The following FYCO1 variants were observed in gnomAD, a reference collection of about 807,000 sequenced individuals.
FYCO1 encodes FYVE and coiled-coil domain-containing protein 1.
A neutral mutation model predicts 165.1 loss-of-function variants in FYCO1; 122 were observed. The observed-to-expected ratio is 0.74, with a 90% CI of 0.64 to 0.86. The LOEUF is 0.86. FYCO1 is among the 40% of genes least tolerant of loss of function. The pLI, the probability that FYCO1 is intolerant of heterozygous loss-of-function variation, is 0.00. For synonymous variants in FYCO1, 648 were observed against 742.5 expected (o/e 0.87, Z 2.07); for missense variants, 1,702 against 1,810.3 (o/e 0.94, Z 1.09).
intron 15 of FYCO1, among the ~76,000 whole-genome samples, chr3:45,931,729 T>A (rs1703641583): frequency 6.6e-6 from 1 of 152,228 alleles, no homozygotes; most frequent in East Asian, 1.9e-4. Flanking sequence ...CCCTTTCACC[T>A]AATTAGTACA....
At chr3:45,982,634 G>GC (rs1366599342) in intron 2 of FYCO1, among the ~76,000 whole-genome samples, 135 of 380 alleles carry the variant, frequency 0.36, no homozygotes, top group African/African-American at 0.45. Context: ...CAGCAGAGAT[G>GC]GTGGGATGTG....
chr3:45,931,105 T>C lies in FYCO1; in HGVS notation c.4217A>G (p.Gln1406Arg), dbSNP rs1342638458. The change falls in exon 16 of 18, where the codon CAG (glutamine) becomes CGG (arginine). Residue 1406 changes from glutamine (Q) to arginine (R), a missense_variant. Coordinates refer to ENST00000296137, the MANE Select transcript of FYCO1 (RefSeq NM_024513.4). ...ATCCAGCGGTGTGTCCTCGGCCTCC[T>C]GGAAGACCACACTGAAGGAGATGCT... ...PKSISFSVVFQEAEDTPLDQC... is the reference protein window; with the variant it reads ...PKSISFSVVFREAEDTPLDQC... 1 of 1,613,886 alleles carries C rather than the reference T, an allele frequency of 6.2e-7. No individual in the cohort carries two copies.
At chr3:45,924,936 AAT>A (rs1491457595) in intron 16 of FYCO1, among the ~76,000 whole-genome samples, 1 of 76,766 alleles carries the variant, frequency 1.3e-5, no homozygotes, top group Admixed American at 2.0e-4. Flanking sequence ...ATTTAAAAAA[AAT>A]TTTTTTTTTA....
intron 16 of FYCO1, among the ~76,000 whole-genome samples, chr3:45,930,430 C>T (rs1030614866): frequency 1.3e-5 from 2 of 152,190 alleles, no homozygotes; most frequent in Non-Finnish European, 2.9e-5. Flanking sequence ...GCTTCAACCC[C>T]CTGATCTACA....
At chr3:45,957,208 G>A (rs1705386846) in intron 13 of FYCO1, among the ~76,000 whole-genome samples, 1 of 152,194 alleles carries the variant, frequency 6.6e-6, no homozygotes, top group African/African-American at 2.4e-5. Context: ...CATACAAAAA[G>A]ATGAATCTCT....
chr3:45,981,977 G>A (rs1707084954), intron 2 of FYCO1, among the ~76,000 whole-genome samples: 1 of 152,226 alleles, frequency 6.6e-6, no homozygotes, highest in South Asian at 2.1e-4. Flanking sequence ...TGTTTGCTGT[G>A]TGGATGAATC....
chr3:45,962,474 G>C lies in FYCO1; in HGVS notation c.3270-82C>G. ...CTCTAAGCTCACCCAGGACTCTAAT[G>C]AGGGGTGCTACTGCCCTCCGCCATG... On this transcript the variant is annotated intron_variant, in intron 10 of 17. Transcript: ENST00000296137. The surrounding 1 kb of genome is among the most constrained non-coding windows in gnomAD (Gnocchi z 4.4). The C allele has an allele frequency of 7.8e-7, 1 of 1,282,070 alleles. No homozygotes were observed. The highest frequency in any genetic ancestry group is 1.1e-6 in the Non-Finnish European group (1 of 877,900). 79.4% of individuals were successfully genotyped at this position (1,282,070 alleles called of 1,614,324 possible).
At chr3:45,965,245 C>T (rs1705941867) in intron 8 of FYCO1, 120 bp from the exon 9 acceptor site, 2 of 734,238 alleles carry the variant, frequency 2.7e-6, no homozygotes, top group Admixed American at 2.1e-5. Context: ...TGCAAACTGG[C>T]TCCTCAATGA....
chr3:45,940,332 A>T (rs1252877165), intron 14 of FYCO1, among the ~76,000 whole-genome samples: 1 of 152,206 alleles, frequency 6.6e-6, no homozygotes, highest in Admixed American at 6.5e-5. Flanking sequence ...GCTGGTAATC[A>T]GCAGCTTCCT....
intron 5 of FYCO1, among the ~76,000 whole-genome samples, chr3:45,974,637 A>G (rs1706632117): frequency 6.6e-6 from 1 of 152,138 alleles, no homozygotes; most frequent in African/African-American, 2.4e-5. Context: ...GGTTTAGTTG[A>G]CTGGTACCTG....
intron 12 of FYCO1, among the ~76,000 whole-genome samples, chr3:45,958,877 CA>C (rs1705523530): frequency 6.6e-6 from 1 of 152,216 alleles, no homozygotes; most frequent in African/African-American, 2.4e-5. Context: ...TCCCTGGCAC[CA>C]AGTTGTAGGT....
rs1286883379 is a variant in FYCO1 at position 45,918,529 on chromosome 3, A to T, written c.*3236T>A. The T allele has an allele frequency of 2.6e-5, 4 of 152,164 alleles. No individual in the cohort carries two copies. 9.4% of individuals were successfully genotyped at this position (152,164 alleles called of 1,614,324 possible). ...CTTTAATTCCCAACACCTCTGAGCC[A>T]AGGACAGTTTCTTGGCCTAAAGAAT... is the stretch of plus-strand genomic sequence containing the variant. On this transcript the variant is annotated 3_prime_UTR_variant, in exon 18 of 18. Coordinates refer to ENST00000296137, the MANE Select transcript of FYCO1 (RefSeq NM_024513.4).
chr3:45,984,511 C>A (rs1215280247), intron 2 of FYCO1: 1 of 421,380 alleles, frequency 2.4e-6, no homozygotes, highest in Admixed American at 3.5e-5. Context: ...AAGAAGCCAA[C>A]TTCATCAGAG....
At chr3:45,950,266 C>T (rs1452593210) in intron 14 of FYCO1, among the ~76,000 whole-genome samples, 1 of 152,104 alleles carries the variant, frequency 6.6e-6, no homozygotes, top group Non-Finnish European at 1.5e-5. Flanking sequence ...AAAGGATGTG[C>T]TCTTTCCCTA....
At chr3:45,927,254 G>A (rs541328016) in intron 16 of FYCO1, among the ~76,000 whole-genome samples, 3 of 152,270 alleles carry the variant, frequency 2.0e-5, no homozygotes, top group African/African-American at 7.2e-5. Context: ...GAAGCCAAAC[G>A]ATTGGACACC....
At chr3:45,961,116 A>G (rs1273699451) in intron 11 of FYCO1, among the ~76,000 whole-genome samples, 1 of 152,242 alleles carries the variant, frequency 6.6e-6, no homozygotes, top group African/African-American at 2.4e-5. Flanking sequence ...AAAGGGATGT[A>G]AGAGACACAG....
At chr3:45,929,242 G>C (rs548503928) in intron 16 of FYCO1, among the ~76,000 whole-genome samples, 1 of 152,216 alleles carries the variant, frequency 6.6e-6, no homozygotes, top group South Asian at 2.1e-4. Flanking sequence ...CTGCCCCCTG[G>C]TGTCACTGTG....
intron 13 of FYCO1, among the ~76,000 whole-genome samples, chr3:45,955,881 G>A (rs1030403341): frequency 6.6e-6 from 1 of 152,162 alleles, no homozygotes; most frequent in Admixed American, 6.5e-5. Flanking sequence ...AGTGCTCAAG[G>A]GCTTGCAGCA....
chr3:45,958,350 G>A (rs186706843), intron 13 of FYCO1, 58 bp downstream of exon 13: 43 of 1,473,044 alleles, frequency 2.9e-5, no homozygotes, highest in South Asian at 5.8e-5. Context: ...CCACAACATC[G>A]GTAGGGGAGG....
Sources: gnomAD v4.1 joint callset for allele counts (sites outside exome capture counted in the v4.1 genomes callset) on GRCh38, gnomAD v4.1.1 for gene constraint, Gnocchi (gnomAD v3.1) non-coding constraint, MANE v1.5 for transcripts, NCBI Gene and HGNC (gene_info 2026-07-23, HGNC 2026-07-21) for gene names.